The following PDSS2 variants were observed in gnomAD, a reference collection of about 807,000 sequenced individuals.
PDSS2 encodes the protein all trans-polyprenyl-diphosphate synthase PDSS2.
In PDSS2, 31 loss-of-function variants were observed where a neutral mutation model predicts 44.5. The observed-to-expected ratio is 0.70, with a 90% CI of 0.52 to 0.94. The LOEUF (loss-of-function observed/expected upper bound fraction) is 0.94. Among genes scored for constraint, PDSS2 ranks in the 40% least tolerant of loss-of-function variants. The probability of loss-of-function intolerance (pLI) is 0.00; values close to 1 mark genes in which losing one functional copy is unlikely to be tolerated. For missense variants in PDSS2, 452 were observed against 482.2 expected, an observed-to-expected ratio of 0.94 and a Z score of 0.59; for synonymous variants, 157 against 180.3, an observed-to-expected ratio of 0.87 and a Z score of 1.03.
chr6:107,425,627 G>C (rs749580723), intron 1 of PDSS2, among the ~76,000 whole-genome samples: 17 of 152,176 alleles, frequency 1.1e-4, no homozygotes, highest in Admixed American at 7.9e-4. Context: ...TTTTAAAAGG[G>C]AAACTGGGCA....
intron 2 of PDSS2, among the ~76,000 whole-genome samples, chr6:107,303,732 G>T (rs1280771398): frequency 6.6e-6 from 1 of 152,080 alleles, no homozygotes; most frequent in Non-Finnish European, 1.5e-5. Flanking sequence ...AACTATTTAG[G>T]TCATGTCCTA....
chr6:107,167,246 A>G (rs1401444338), intron 7 of PDSS2, among the ~76,000 whole-genome samples: 15 of 152,016 alleles, frequency 9.9e-5, no homozygotes, highest in South Asian at 4.2e-4. Flanking sequence ...TTTCTTCTAG[A>G]TTTTCTAGTT....
intron 7 of PDSS2, among the ~76,000 whole-genome samples, chr6:107,175,007 G>A (rs1771736811): frequency 6.6e-6 from 1 of 152,176 alleles, no homozygotes; most frequent in Non-Finnish European, 1.5e-5. Flanking sequence ...GACGTCAGGA[G>A]TTCAAGACCA....
At chr6:107,185,040 A>G (rs1772114898) in intron 7 of PDSS2, among the ~76,000 whole-genome samples, 1 of 148,478 alleles carries the variant, frequency 6.7e-6, no homozygotes, top group Admixed American at 6.8e-5. Context: ...TGGGAGGTGG[A>G]GATGGGAGGA....
At chr6:107,224,514 C>T (rs1179322083) in intron 4 of PDSS2, among the ~76,000 whole-genome samples, 7 of 151,368 alleles carry the variant, frequency 4.6e-5, no homozygotes, top group Non-Finnish European at 8.8e-5. Flanking sequence ...AGGCAGAGCA[C>T]GGACAGAGAG....
intron 4 of PDSS2, among the ~76,000 whole-genome samples, chr6:107,219,073 T>A (rs950838314): frequency 5.3e-5 from 8 of 150,894 alleles, no homozygotes; most frequent in African/African-American, 1.2e-4. Context: ...AAAAAAAAAA[T>A]TAATTAAAAA....
At chr6:107,264,430 G>A in intron 3 of PDSS2, 1 of 1,549,206 alleles carries the variant, frequency 6.5e-7, no homozygotes, top group Non-Finnish European at 8.7e-7. Context: ...TCATGACAAT[G>A]CTCTTGGGTG....
chr6:107,407,868 T>G (rs772974586), intron 1 of PDSS2, among the ~76,000 whole-genome samples: 13 of 151,198 alleles, frequency 8.6e-5, no homozygotes, highest in Non-Finnish European at 1.5e-4. Context: ...CATGGCTAAT[T>G]TTTGTACTTT....
chr6:107,457,001 T>C (rs1450325702), intron 1 of PDSS2, among the ~76,000 whole-genome samples: 2 of 149,602 alleles, frequency 1.3e-5, no homozygotes, highest in Non-Finnish European at 2.9e-5. Flanking sequence ...TTTAAACATA[T>C]GTGTATGTGT....
At chr6:107,447,614 C>T (rs188595399) in intron 1 of PDSS2, among the ~76,000 whole-genome samples, 1 of 152,220 alleles carries the variant, frequency 6.6e-6, no homozygotes, top group Admixed American at 6.5e-5. Context: ...TGTGGCTTTG[C>T]AGGGAACAGC....
Position 107,447,130 on chromosome 6 carries a change from G to A in PDSS2, c.296+11860C>T, listed in dbSNP as rs572260362. 3.2e-4 allele frequency among the ~76,000 whole-genome samples: 49 copies of A among 152,148 alleles called. 1 individual carries two copies. The highest frequency in any genetic ancestry group is 4.9e-4 in the Non-Finnish European group (33 of 68,008). On this transcript the variant is annotated intron_variant, in intron 1 of 7. Coordinates refer to ENST00000369037, the MANE Select transcript of PDSS2 (RefSeq NM_020381.4). ...AGGCGGATCACGAGGTCAGGAGATC[G>A]AGACCATCCTGGCTAACACGGTGAA...
intron 2 of PDSS2, among the ~76,000 whole-genome samples, chr6:107,322,051 T>C (rs1178425432): frequency 1.3e-5 from 2 of 152,220 alleles, no homozygotes; most frequent in Admixed American, 1.3e-4. Context: ...TAGATCAACC[T>C]ACACTCTTGC....
chr6:107,245,826 C>CA (rs567792467), intron 3 of PDSS2, among the ~76,000 whole-genome samples: 1 of 151,230 alleles, frequency 6.6e-6, no homozygotes. Context: ...TAATTCAAGC[C>CA]AAAAAAAATC....
intron 7 of PDSS2, among the ~76,000 whole-genome samples, chr6:107,170,748 G>A (rs1269449145): frequency 6.6e-6 from 1 of 152,000 alleles, no homozygotes; most frequent in East Asian, 1.9e-4. Flanking sequence ...GGGTAGCTGG[G>A]ATTACAGGCA....
chr6:107,339,825 G>A (rs1339420962), intron 1 of PDSS2, among the ~76,000 whole-genome samples: 1 of 152,166 alleles, frequency 6.6e-6, no homozygotes, highest in East Asian at 1.9e-4. Context: ...ACACCACCCA[G>A]GATGAACAGA....
chr6:107,266,155 A>G (rs1775405760), intron 3 of PDSS2, among the ~76,000 whole-genome samples: 1 of 152,228 alleles, frequency 6.6e-6, no homozygotes, highest in South Asian at 2.1e-4. Flanking sequence ...AAGTATTTAA[A>G]TGAAAGAAAC....
chr6:107,257,227 G>T (rs1775052779), intron 3 of PDSS2, among the ~76,000 whole-genome samples: 1 of 151,016 alleles, frequency 6.6e-6, no homozygotes, highest in South Asian at 2.1e-4. Context: ...TGGCCACATT[G>T]TACCCTTGGA....
At chr6:107,318,992 G>GAA (rs1415923328) in intron 2 of PDSS2, among the ~76,000 whole-genome samples, 2 of 124,996 alleles carry the variant, frequency 1.6e-5, no homozygotes, top group Non-Finnish European at 3.4e-5. Context: ...TGTTAAAAAA[G>GAA]AAAATATATA....
chr6:107,192,415 AG>A, intron 7 of PDSS2: 5 of 495,812 alleles, frequency 1.0e-5, no homozygotes, highest in South Asian at 7.6e-5. Flanking sequence ...ATCAAAGAAG[AG>A]GCAGTGAAGG....
Sources: gnomAD v4.1 joint callset for allele counts (sites outside exome capture counted in the v4.1 genomes callset) on GRCh38, gnomAD v4.1.1 for gene constraint, MANE v1.5 for transcripts, NCBI Gene and HGNC (gene_info 2026-07-23, HGNC 2026-07-21) for gene names.